The following UNC5C variants were observed in gnomAD, a reference collection of about 807,000 sequenced individuals.
The protein encoded by UNC5C is netrin receptor UNC5C.
In UNC5C, 47 loss-of-function variants were observed where a neutral mutation model predicts 99.8. The observed-to-expected ratio is 0.47, with a 90% CI of 0.37 to 0.60. The LOEUF (loss-of-function observed/expected upper bound fraction) is 0.60. Ranked by LOEUF, UNC5C falls within the 20% of genes least tolerant of loss-of-function variation. UNC5C has a pLI of 0.00. For missense variants in UNC5C, 1,062 were observed against 1,165.9 expected, an observed-to-expected ratio of 0.91 and a Z score of 1.30; for synonymous variants, 487 against 452.2, an observed-to-expected ratio of 1.08 and a Z score of -0.98.
At chr4:95,407,243 G>GA (rs1745855903) in intron 1 of UNC5C, among the ~76,000 whole-genome samples, 1 of 152,030 alleles carries the variant, frequency 6.6e-6, no homozygotes, top group Admixed American at 6.6e-5. Context: ...TATATGAAGA[G>GA]AATAAAGGTG....
intron 1 of UNC5C, among the ~76,000 whole-genome samples, chr4:95,507,853 T>C (rs1721966765): frequency 1.3e-5 from 2 of 152,034 alleles, no homozygotes; most frequent in African/African-American, 4.8e-5. Flanking sequence ...CATCTTGTTG[T>C]TAATGCTACC....
intron 3 of UNC5C, among the ~76,000 whole-genome samples, chr4:95,298,915 G>T (rs982402036): frequency 9.2e-5 from 14 of 152,134 alleles, no homozygotes; most frequent in African/African-American, 3.1e-4. Context: ...TCAGCATGAA[G>T]AATAGCTGAA....
At chr4:95,340,865 T>C (rs1246163440) in intron 1 of UNC5C, among the ~76,000 whole-genome samples, 7 of 152,140 alleles carry the variant, frequency 4.6e-5, no homozygotes, top group Non-Finnish European at 2.9e-5. Context: ...ACCTCTGCCA[T>C]GTAGTCTACA....
chr4:95,283,100 G>A lies in UNC5C; in HGVS notation c.491-4738C>T, dbSNP rs72674540. Among the ~76,000 whole-genome samples, 1,293 of 152,250 alleles carry A rather than the reference G, an allele frequency of 8.5e-3. 8 individuals carry two copies. The highest frequency in any genetic ancestry group is 0.014 in the Middle Eastern group (4 of 294). ...AATTTTAAGGTGACAGAAGTTAGTA[G>A]CACCATTAACGGGCAGTGGGTTTGA... is the stretch of plus-strand genomic sequence containing the variant. On this transcript the variant is annotated intron_variant, in intron 3 of 15. Transcript: ENST00000453304.
intron 1 of UNC5C, among the ~76,000 whole-genome samples, chr4:95,454,726 G>A (rs1747380968): frequency 6.6e-6 from 1 of 151,982 alleles, no homozygotes; most frequent in Non-Finnish European, 1.5e-5. Context: ...TAACCTACCA[G>A]GTTCTTCACT....
intron 1 of UNC5C, among the ~76,000 whole-genome samples, chr4:95,520,362 C>T (rs367955081): frequency 4.2e-4 from 64 of 152,074 alleles, no homozygotes; most frequent in African/African-American, 1.5e-3. Flanking sequence ...TTTTTAACAC[C>T]GATTGACTCA....
At chr4:95,330,308 G>A (rs960900621) in intron 2 of UNC5C, among the ~76,000 whole-genome samples, 1 of 152,006 alleles carries the variant, frequency 6.6e-6, no homozygotes, top group Non-Finnish European at 1.5e-5. Context: ...TTAATAAAAT[G>A]ATGGTGACAT....
chr4:95,338,607 A>G (rs1474240809), intron 1 of UNC5C, among the ~76,000 whole-genome samples: 2 of 152,092 alleles, frequency 1.3e-5, no homozygotes, highest in African/African-American at 2.4e-5. Context: ...AACTTGAAAT[A>G]TACAATAAAT....
intron 12 of UNC5C, among the ~76,000 whole-genome samples, chr4:95,195,885 A>G (rs1389373971): frequency 6.6e-5 from 10 of 151,166 alleles, no homozygotes; most frequent in African/African-American, 2.2e-4. Context: ...GGTCTTCTCC[A>G]TGCCCAATGA....
chr4:95,299,065 A>G (rs1366047395), intron 3 of UNC5C, among the ~76,000 whole-genome samples: 4 of 152,174 alleles, frequency 2.6e-5, no homozygotes, highest in Admixed American at 1.3e-4. Flanking sequence ...ATTCCCCCAA[A>G]TTCTGATGGG....
intron 1 of UNC5C, among the ~76,000 whole-genome samples, chr4:95,396,232 A>G (rs1268134894): frequency 6.6e-6 from 1 of 152,142 alleles, no homozygotes; most frequent in Non-Finnish European, 1.5e-5. Context: ...AATTCAGGAT[A>G]TGTTGCTCAT....
chr4:95,299,510 T>C (rs1002941290), intron 3 of UNC5C, among the ~76,000 whole-genome samples: 2 of 152,206 alleles, frequency 1.3e-5, no homozygotes, highest in Non-Finnish European at 2.9e-5. Flanking sequence ...GAAGCAGGAA[T>C]GGAGGCAAGA....
At chr4:95,520,891 G>A (rs58176443) in intron 1 of UNC5C, among the ~76,000 whole-genome samples, 14,378 of 151,914 alleles carry the variant, frequency 0.095, 1,877 homozygotes, top group African/African-American at 0.29. Context: ...GAGCCACCGC[G>A]CCCGGCCTAG....
intron 1 of UNC5C, among the ~76,000 whole-genome samples, chr4:95,472,531 G>A (rs1378647491): frequency 1.3e-5 from 2 of 152,000 alleles, no homozygotes; most frequent in Non-Finnish European, 2.9e-5. Flanking sequence ...TCTTTAAAGT[G>A]AGCACATGAA....
chr4:95,543,279 C>T (rs745690379), intron 1 of UNC5C, among the ~76,000 whole-genome samples: 5 of 152,082 alleles, frequency 3.3e-5, no homozygotes, highest in South Asian at 4.2e-4. Context: ...AAATCTAAAC[C>T]GTAAGTAATA....
rs1029614194 is a variant in UNC5C at position 95,166,921 on chromosome 4, A to G, written c.*2313T>C. Reference sequence around the variant, plus strand: ...AGTGCAATCTCTCCCTTCCCCAGTCAGTGTACAAATATTTTAAATATGGAA... The same window carrying G: ...AGTGCAATCTCTCCCTTCCCCAGTCGGTGTACAAATATTTTAAATATGGAA... On this transcript the variant is annotated 3_prime_UTR_variant, in exon 16 of 16. Transcript: ENST00000453304. The G allele has an allele frequency of 6.6e-6, 1 of 151,632 alleles. No homozygotes were observed. The highest frequency in any genetic ancestry group is 1.5e-5 in the Non-Finnish European group (1 of 68,058). 9.4% of individuals were successfully genotyped at this position (151,632 alleles called of 1,614,324 possible). A position where few individuals can be genotyped will look rare whatever the true frequency, so the allele number is the denominator to read the frequency against.
intron 1 of UNC5C, among the ~76,000 whole-genome samples, chr4:95,436,609 T>C (rs960043266): frequency 3.3e-5 from 5 of 151,922 alleles, no homozygotes; most frequent in African/African-American, 1.2e-4. Flanking sequence ...GTTGTTTCTC[T>C]TAATTAAGTC....
chr4:95,219,301 A>G lies in UNC5C; in HGVS notation c.1313T>C (p.Val438Ala). The G allele has an allele frequency of 6.2e-7, 1 of 1,613,424 alleles. No homozygotes were observed. The highest frequency in any genetic ancestry group is 1.7e-4 in the Middle Eastern group (1 of 6,048). Residue 438 changes from valine (V) to alanine (A), a missense_variant, in exon 9 of 16, where the codon GTA (valine) becomes GCA (alanine). Physicochemically the swap from Val to Ala is moderately conservative, Grantham distance 64. Around this residue, in one of 3 missense-constraint regions of UNC5C, gnomAD observed 810 missense variants for 854.5 expected, o/e 0.95. Transcript: ENST00000453304. Reference sequence around the variant, plus strand: ...TGCAGCTGACGTGAGGTCTGGGGGTACAGCCAGCAGATCTGAGTCAGAAAG... The same window carrying G: ...TGCAGCTGACGTGAGGTCTGGGGGTGCAGCCAGCAGATCTGAGTCAGAAAG... The part of the protein sequence containing the change: ...IKAARQDLLA[V>A]PPDLTSAAAM...
chr4:95,477,140 A>G (rs201598072), intron 1 of UNC5C, among the ~76,000 whole-genome samples: 8 of 152,194 alleles, frequency 5.3e-5, no homozygotes, highest in Non-Finnish European at 1.2e-4. Flanking sequence ...GACTGCTTAT[A>G]TATATTGGGA....
Sources: allele counts gnomAD v4.1 joint callset (sites outside exome capture counted in the v4.1 genomes callset), GRCh38; gene constraint gnomAD v4.1.1; regional missense constraint gnomAD v4.1.1; transcripts MANE v1.5; gene names NCBI Gene and HGNC (gene_info 2026-07-23, HGNC 2026-07-21).